The following OLFM4 variants were observed in gnomAD, a reference collection of about 807,000 sequenced individuals.
OLFM4 encodes the protein olfactomedin-4.
A neutral mutation model predicts 25.5 loss-of-function variants in OLFM4; 22 were observed. The observed-to-expected ratio is 0.86, with a 90% CI of 0.62 to 1.23. The LOEUF (loss-of-function observed/expected upper bound fraction) is 1.23. OLFM4 is among the 50% of genes most tolerant of loss of function. The pLI is 0.00. For missense variants in OLFM4, 594 were observed against 619.4 expected (o/e 0.96, Z 0.44); for synonymous variants, 255 against 237.7 (o/e 1.07, Z -0.67).
chr13:53,045,149 G>C (rs1466078576), intron 4 of OLFM4, among the ~76,000 whole-genome samples: 1 of 152,162 alleles, frequency 6.6e-6, no homozygotes, highest in African/African-American at 2.4e-5. Flanking sequence ...AGTAATCCAA[G>C]GACAACGGTG....
chr13:53,035,805 A>G (rs996738175), intron 2 of OLFM4, among the ~76,000 whole-genome samples: 1 of 152,188 alleles, frequency 6.6e-6, no homozygotes, highest in East Asian at 1.9e-4. Context: ...AAGTTATCTT[A>G]AAGGGTTTGC....
chr13:53,028,929 C>A lies in OLFM4; in HGVS notation c.93C>A (p.Ser31Arg), dbSNP rs1218185069. ...GGGATGTGGGACCTCCAATTCCCAG[C>A]CCCGGCTTCAGCTCTTTCCCAGGTG... ...DLGDVGPPIP[S>R]PGFSSFPGVD... is the part of the protein sequence containing the mutation. Residue 31 changes from serine (S) to arginine (R), a missense_variant, in exon 1 of 5, where the codon AGC becomes AGA. Coordinates refer to ENST00000219022, the MANE Select transcript of OLFM4 (RefSeq NM_006418.5). 1.2e-6 allele frequency: 2 copies of A among 1,614,244 alleles called. No individual in the cohort carries two copies. The highest frequency in any genetic ancestry group is 1.7e-6 in the Non-Finnish European group (2 of 1,180,054).
intron 2 of OLFM4, among the ~76,000 whole-genome samples, chr13:53,039,384 T>G (rs1954675954): frequency 6.6e-6 from 1 of 152,198 alleles, no homozygotes; most frequent in Admixed American, 6.5e-5. Context: ...GGGGGACTTG[T>G]TAGGTTTTAT....
intron 2 of OLFM4, among the ~76,000 whole-genome samples, chr13:53,035,044 G>A (rs189427675): frequency 7.9e-5 from 12 of 151,110 alleles, no homozygotes; most frequent in South Asian, 4.2e-4. Context: ...ATTCTTTTTT[G>A]GGGGGGACAT....
rs1178474768 is a variant in OLFM4, at chr13:53,043,205, AAG to A, written c.674_675del (p.Glu225ValfsTer2). The A allele has an allele frequency of 1.2e-6, 2 of 1,613,508 alleles. No homozygotes were observed. On this transcript the variant is annotated frameshift_variant, in exon 4 of 5. Transcript: ENST00000219022. LOFTEE classifies it high-confidence loss of function. ...ATCGTGGCTCTGAAGACCAAGCTGA[AAG>A]AGTGTGAGGCCTCTAAAGATCAAAA...
At chr13:53,038,260 A>T (rs1393492139) in intron 2 of OLFM4, among the ~76,000 whole-genome samples, 8 of 152,098 alleles carry the variant, frequency 5.3e-5, no homozygotes, top group Non-Finnish European at 1.2e-4. Flanking sequence ...AATCACCACC[A>T]CTACCGCCCT....
intron 1 of OLFM4, among the ~76,000 whole-genome samples, chr13:53,031,461 C>T (rs990197362): frequency 1.3e-5 from 2 of 152,182 alleles, no homozygotes; most frequent in Admixed American, 1.3e-4. Flanking sequence ...GTGAGTTGCA[C>T]CTTCTGCTGT....
At chr13:53,041,715 C>G (rs1954687641) in intron 2 of OLFM4, among the ~76,000 whole-genome samples, 195 bp from the exon 3 acceptor site, 1 of 152,188 alleles carries the variant, frequency 6.6e-6, no homozygotes, top group Non-Finnish European at 1.5e-5. Context: ...ATCTACCTCC[C>G]TTCAATTGGA....
chr13:53,036,800 G>A (rs1954661333), intron 2 of OLFM4, among the ~76,000 whole-genome samples: 1 of 152,194 alleles, frequency 6.6e-6, no homozygotes, highest in African/African-American at 2.4e-5. Flanking sequence ...AGATAGGCCA[G>A]GTGTTGTCTC....
At chr13:53,047,309 G>A (rs1954720760) in intron 4 of OLFM4, among the ~76,000 whole-genome samples, 1 of 152,170 alleles carries the variant, frequency 6.6e-6, no homozygotes, top group African/African-American at 2.4e-5. Flanking sequence ...GGGATGGGGG[G>A]ATGGGGACTC....
At chr13:53,033,564 CTG>C (rs1292236968) in intron 1 of OLFM4, among the ~76,000 whole-genome samples, 3 of 152,206 alleles carry the variant, frequency 2.0e-5, no homozygotes, top group Non-Finnish European at 4.4e-5. Flanking sequence ...ATCACCTACT[CTG>C]TGCCAGGGAC....
chr13:53,031,220 C>T (rs1037108304), intron 1 of OLFM4, among the ~76,000 whole-genome samples: 1 of 152,078 alleles, frequency 6.6e-6, no homozygotes, highest in Non-Finnish European at 1.5e-5. Flanking sequence ...TTATACTGGA[C>T]TAGGAGTCAA....
chr13:53,034,267 A>G (rs1284942823), intron 1 of OLFM4, 81 bp from the exon 2 acceptor site: 1 of 1,462,856 alleles, frequency 6.8e-7, no homozygotes, highest in Non-Finnish European at 9.4e-7. Context: ...AGTACTCTCG[A>G]CAAGCCAATT....
intron 4 of OLFM4, among the ~76,000 whole-genome samples, chr13:53,048,414 T>C (rs976117977): frequency 6.6e-6 from 1 of 152,014 alleles, no homozygotes; most frequent in Non-Finnish European, 1.5e-5. Flanking sequence ...TCTCACCAAC[T>C]GTGGATTTAT....
In OLFM4 at chr13:53,050,203, G is replaced by T. The variant is rs767673889; in HGVS notation, c.965G>T (p.Arg322Leu). ...TTGTATATAAATGCTCGAGAGTTGC[G>T]GATCACCTATGGCCAAGGTAGTGGT... ...LLLYINAREL[R>L]ITYGQGSGTA... The change falls in exon 5 of 5, where the codon CGG (arginine) becomes CTG (leucine). Residue 322 changes from arginine (R) to leucine (L), a missense_variant. Coordinates refer to ENST00000219022, the MANE Select transcript of OLFM4 (RefSeq NM_006418.5). 5 of 1,613,830 alleles carry T rather than the reference G, an allele frequency of 3.1e-6. No homozygotes were observed. The highest frequency in any genetic ancestry group is 3.3e-5 in the Admixed American group (2 of 59,968).
At chr13:53,034,584 T>C in intron 2 of OLFM4, 84 bp downstream of exon 2, 1 of 1,192,580 alleles carries the variant, frequency 8.4e-7, no homozygotes, top group African/African-American at 1.5e-5. Context: ...TAAGCAATCA[T>C]TCTTCACTAT....
intron 4 of OLFM4, 69 bp from the exon 5 acceptor site, chr13:53,049,900 A>G: frequency 7.0e-7 from 1 of 1,424,334 alleles, no homozygotes; most frequent in Non-Finnish European, 9.6e-7. Flanking sequence ...GGTGCTTAGG[A>G]TATTAAACTA....
At chr13:53,041,080 C>A (rs187239045) in intron 2 of OLFM4, among the ~76,000 whole-genome samples, 2 of 152,024 alleles carry the variant, frequency 1.3e-5, no homozygotes, top group East Asian at 3.9e-4. Flanking sequence ...ACTCGAAGAA[C>A]TAAAAAGAAC....
Position 53,045,835 on chromosome 13 carries a change from A to C in OLFM4, c.730+2571A>C, listed in dbSNP as rs369371451. ...ATTTCATAGAACTTTCTAATCTAAA[A>C]TAATTGGCCTTCTACTCATTAACTT... is the stretch of plus-strand genomic sequence containing the variant. On this transcript the variant is annotated intron_variant, in intron 4 of 4. Coordinates refer to ENST00000219022, the MANE Select transcript of OLFM4 (RefSeq NM_006418.5). Among the ~76,000 whole-genome samples the C allele has an allele frequency of 5.3e-5, 8 of 152,324 alleles. No individual in the cohort carries two copies. In the East Asian group the frequency reaches 1.4e-3, roughly 26 times the overall value.
Sources: gnomAD v4.1 joint callset for allele counts (sites outside exome capture counted in the v4.1 genomes callset) on GRCh38, gnomAD v4.1.1 for gene constraint, MANE v1.5 for transcripts, NCBI Gene and HGNC (gene_info 2026-07-23, HGNC 2026-07-21) for gene names.